The following FBLN5 variants were observed in gnomAD, a reference collection of about 807,000 sequenced individuals.
FBLN5 encodes the protein fibulin 5.
A neutral mutation model predicts 61.6 loss-of-function variants in FBLN5; 24 were observed. The ratio of observed to expected loss-of-function variants is 0.39; its 90% CI spans 0.28 to 0.55. The LOEUF (loss-of-function observed/expected upper bound fraction) is 0.55. Ranked by LOEUF, FBLN5 falls within the 20% of genes least tolerant of loss-of-function variation. The pLI is 0.65. For synonymous variants in FBLN5, 213 were observed against 219.8 expected (o/e 0.97, Z 0.27); for missense variants, 470 against 594.1 (o/e 0.79, Z 2.17).
At chr14:91,887,727 A>G (rs1758873716) in intron 6 of FBLN5, among the ~76,000 whole-genome samples, 1 of 152,090 alleles carries the variant, frequency 6.6e-6, no homozygotes, top group Non-Finnish European at 1.5e-5. Context: ...GTTAACAAAT[A>G]ACCATGATGA....
chr14:91,877,493 G>A lies in FBLN5; in HGVS notation c.1179C>T (p.Tyr393=), dbSNP rs756343236. The A allele has an allele frequency of 2.2e-5, 36 of 1,613,472 alleles. No homozygotes were observed. The highest frequency in any genetic ancestry group is 1.2e-4 in the South Asian group (11 of 91,056). The change falls in exon 10 of 11, where the codon TAC becomes TAT. Residue 393 remains tyrosine, a synonymous_variant. Transcript: ENST00000342058. ...ACTCCCCACTCCCTCTTACCCGCAT[G>A]TAAAATTCTCTGCCCTCATTCCCAG... ...IKSGNEGREF[Y]MRQTGPISAT...
At chr14:91,892,523 C>T (rs1890037494) in intron 5 of FBLN5, among the ~76,000 whole-genome samples, 1 of 152,230 alleles carries the variant, frequency 6.6e-6, no homozygotes, top group Non-Finnish European at 1.5e-5. Context: ...ATTCTGTGCC[C>T]TGTCCTGTGA....
chr14:91,887,416 C>G (rs1179369325), intron 6 of FBLN5, 104 bp from the exon 7 acceptor site: 2 of 1,182,170 alleles, frequency 1.7e-6, no homozygotes, highest in Non-Finnish European at 2.5e-6. Flanking sequence ...ACCAGGAGAC[C>G]AGAGTCCCAG....
chr14:91,880,530 T>C (rs1484955119), intron 9 of FBLN5, among the ~76,000 whole-genome samples: 18 of 38,714 alleles, frequency 4.6e-4, no homozygotes, highest in Admixed American at 1.9e-3. Context: ...TGCGTGCGTG[T>C]GTGTGTGTGT....
intron 5 of FBLN5, among the ~76,000 whole-genome samples, chr14:91,892,140 C>A (rs777777435): frequency 3.9e-5 from 6 of 152,196 alleles, no homozygotes; most frequent in Non-Finnish European, 8.8e-5. Context: ...CAATGGGGAG[C>A]CTGATGTCAT....
At chr14:91,907,714 TAAAAG>T (rs765984432) in intron 4 of FBLN5, among the ~76,000 whole-genome samples, 1 of 150,488 alleles carries the variant, frequency 6.6e-6, no homozygotes, top group African/African-American at 2.5e-5. Context: ...AAGAGGAAAA[TAAAAG>T]AAAAGAGATG....
intron 4 of FBLN5, among the ~76,000 whole-genome samples, chr14:91,922,856 C>T (rs1428673561): frequency 6.6e-6 from 1 of 152,182 alleles, no homozygotes; most frequent in African/African-American, 2.4e-5. Flanking sequence ...CCAATTTCAT[C>T]CATCCACTGA....
intron 4 of FBLN5, among the ~76,000 whole-genome samples, chr14:91,901,817 C>A (rs1057031590): frequency 2.0e-5 from 3 of 152,290 alleles, no homozygotes; most frequent in South Asian, 2.1e-4. Context: ...AAAGTTTGTT[C>A]ATTTTGCGCC....
intron 4 of FBLN5, among the ~76,000 whole-genome samples, chr14:91,915,424 G>T (rs112386512): frequency 6.6e-6 from 1 of 151,808 alleles, no homozygotes; most frequent in South Asian, 2.1e-4. Context: ...GGTGGCTCAC[G>T]CCTGTAATCC....
Position 91,882,838 on chromosome 14 carries a change from C to G in FBLN5, c.862+116G>C. 2 of 1,241,046 alleles carry G rather than the reference C, an allele frequency of 1.6e-6. No individual in the cohort carries two copies. Among genetic ancestry groups the G allele is most frequent in the Non-Finnish European group, 2.3e-6 (2 of 872,350 alleles). 76.9% of individuals were successfully genotyped at this position (1,241,046 alleles called of 1,614,324 possible). A position where few individuals can be genotyped will look rare whatever the true frequency, so the allele number is the denominator to read the frequency against. ...CACCAGCACCCACTCACACCCCCAC[C>G]CCTGCCACCTTCCCAAAGCTGCACA... is the stretch of plus-strand genomic sequence containing the variant. On this transcript the variant is annotated intron_variant, in intron 8 of 10. Transcript: ENST00000342058. This position sits in a 1 kb window ranked among gnomAD's most constrained non-coding sequence, Gnocchi z 4.9.
At chr14:91,883,664 A>AAAAC (rs758858453) in intron 7 of FBLN5, among the ~76,000 whole-genome samples, 1 of 148,466 alleles carries the variant, frequency 6.7e-6, no homozygotes, top group African/African-American at 2.5e-5. Flanking sequence ...AAACAAAAAA[A>AAAAC]ACACACACAC....
At position 91,878,808 on chromosome 14, in the gene FBLN5, T is replaced by C. The variant is rs191057897; in HGVS notation, c.990-1126A>G. Among the ~76,000 whole-genome samples the C allele has an allele frequency of 4.0e-3, 609 of 152,336 alleles. 2 individuals are homozygous for C. The highest frequency in any genetic ancestry group is 0.013 in the African/African-American group (550 of 41,574). ...CAGCCTACTCTTCCTTTTTATAAAT[T>C]TCCATTCATTCTGAGCAGAGTATGG... On this transcript the variant is annotated intron_variant, in intron 9 of 10. Transcript: ENST00000342058.
rs139355433 is a variant in FBLN5 at position 91,905,820 on chromosome 14, T to A, written c.380-10748A>T. Among the ~76,000 whole-genome samples the A allele has an allele frequency of 6.2e-3, 942 of 152,240 alleles. 10 individuals carry two copies. The highest frequency in any genetic ancestry group is 0.021 in the African/African-American group (886 of 41,516). The stretch of plus-strand genomic sequence containing the variant: ...GTCTCGATCTTCTGATCTTGTGATC[T>A]GCCCGCCTCGACCTCCCAAAGTGCT... On this transcript the variant is annotated intron_variant, in intron 4 of 10. Transcript: ENST00000342058.
intron 4 of FBLN5, among the ~76,000 whole-genome samples, chr14:91,927,011 T>C (rs976370129): frequency 9.9e-5 from 15 of 152,204 alleles, no homozygotes; most frequent in African/African-American, 3.6e-4. Context: ...CTCGTTCCAC[T>C]GCATCACACT....
chr14:91,934,267 G>A (rs754916330), intron 4 of FBLN5, among the ~76,000 whole-genome samples: 3 of 152,100 alleles, frequency 2.0e-5, no homozygotes, highest in African/African-American at 7.2e-5. Context: ...GAGCACCCTC[G>A]AACAAATCTA....
At chr14:91,895,207 T>C in intron 4 of FBLN5, 135 bp from the exon 5 acceptor site, 1 of 1,017,092 alleles carries the variant, frequency 9.8e-7, no homozygotes. Flanking sequence ...GAGGTGGCAG[T>C]GCTTCCCCGA....
intron 4 of FBLN5, among the ~76,000 whole-genome samples, chr14:91,906,401 G>A (rs886287682): frequency 5.3e-5 from 8 of 152,158 alleles, no homozygotes; most frequent in African/African-American, 1.7e-4. Context: ...ATAGAGGTGA[G>A]GGAGAGGGAG....
rs111668602 is a variant in FBLN5 at position 91,871,853 on chromosome 14, T to TA, written c.1186-1469dup. 7.3e-3 allele frequency among the ~76,000 whole-genome samples: 966 copies of TA among 132,852 alleles called. 9 individuals are homozygous for TA. Among genetic ancestry groups the TA allele is most frequent in the African/African-American group, 0.023 (815 of 34,820 alleles). The allele number at this position is 132,852 out of a possible 152,430, so 87.2% of individuals were successfully genotyped here. A position where few individuals can be genotyped will look rare whatever the true frequency, so the allele number is the denominator to read the frequency against. ...CCCTGGACAACGGCGAGACTCCAGC[T>TA]AAAAAAAAAAAAAAAAATTCTCATA... is the stretch of plus-strand genomic sequence containing the variant. On this transcript the variant is annotated intron_variant, in intron 10 of 10. Coordinates refer to ENST00000342058, the MANE Select transcript of FBLN5 (RefSeq NM_006329.4).
chr14:91,894,849 A>AAC, intron 5 of FBLN5, 101 bp downstream of exon 5: 1 of 1,027,422 alleles, frequency 9.7e-7, no homozygotes, highest in South Asian at 1.3e-5. Context: ...AGCAAAGAAA[A>AAC]GCTTACTACC....
Sources: gnomAD v4.1 joint callset for allele counts (sites outside exome capture counted in the v4.1 genomes callset) on GRCh38, gnomAD v4.1.1 for gene constraint, Gnocchi (gnomAD v3.1) non-coding constraint, MANE v1.5 for transcripts, NCBI Gene and HGNC (gene_info 2026-07-23, HGNC 2026-07-21) for gene names.